The following LRRC24 variants were observed in gnomAD, a reference collection of about 807,000 sequenced individuals.
The protein encoded by LRRC24 is leucine-rich repeat-containing protein 24.
LRRC24 carries 19 observed loss-of-function variants against 15.3 expected under a neutral mutation model. That is an observed-to-expected ratio of 1.25 (90% CI 0.87 to 1.83). LRRC24 has a LOEUF of 1.83. LRRC24 is among the 40% of genes most tolerant of loss of function. The pLI is 0.00. For missense variants in LRRC24, 914 were observed against 723.9 expected, an observed-to-expected ratio of 1.26 and a Z score of -3.01; for synonymous variants, 469 against 359.6, an observed-to-expected ratio of 1.30 and a Z score of -3.44.
intron 1 of LRRC24, 183 bp downstream of exon 1, chr8:144,526,777 T>G (rs1027136261): frequency 3.3e-4 from 50 of 152,350 alleles, no homozygotes; most frequent in Admixed American, 7.8e-4. Flanking sequence ...CCCCACGGCC[T>G]CCTCTGCTAC....
In LRRC24 at chr8:144,524,602, C is replaced by G. The variant is rs1236395497; in HGVS notation, c.277G>C (p.Ala93Pro). 1 of 1,527,476 alleles carries G rather than the reference C, an allele frequency of 6.5e-7. No individual in the cohort carries two copies. The highest frequency in any genetic ancestry group is 8.7e-7 in the Non-Finnish European group (1 of 1,146,174). 94.6% of individuals were successfully genotyped at this position (1,527,476 alleles called of 1,614,324 possible). A position where few individuals can be genotyped will look rare whatever the true frequency, so the allele number is the denominator to read the frequency against. Residue 93 changes from alanine to proline, a missense_variant, in exon 3 of 5, where the codon GCC becomes CCC. By Grantham distance (27) the Ala-to-Pro change is conservative. Coordinates refer to ENST00000529415, the MANE Select transcript of LRRC24 (RefSeq NM_001024678.4). ...AGCAGGCGCGGCTGCGCGCGGAAGGCGCCGGCCTCCAGGGCGCGCAGGCTG... is the reference window on the plus strand; with the variant it reads ...AGCAGGCGCGGCTGCGCGCGGAAGGGGCCGGCCTCCAGGGCGCGCAGGCTG... ...NNSLRALEAG[A>P]FRAQPRLLEL...
chr8:144,526,585 C>CG (rs1338834938), intron 1 of LRRC24: 1 of 152,300 alleles, frequency 6.6e-6, no homozygotes, highest in Non-Finnish European at 1.5e-5. Flanking sequence ...TGGGCAGGGG[C>CG]GGGGTGTCAC....
chr8:144,524,078 C>T (rs866380832), intron 4 of LRRC24, 32 bp downstream of exon 4: 2 of 1,588,498 alleles, frequency 1.3e-6, no homozygotes, highest in Middle Eastern at 2.3e-4. Flanking sequence ...ACACCGTGGC[C>T]CAGACAGAGA....
chr8:144,522,920 C>CGGGACGCGTTGACCAGGAGCCGGAAG lies in LRRC24; in HGVS notation c.1071_1096dup (p.Arg366ProfsTer68). 1 of 1,457,972 alleles carries CGGGACGCGTTGACCAGGAGCCGGAAG rather than the reference C, an allele frequency of 6.9e-7. No homozygotes were observed. The highest frequency in any genetic ancestry group is 9.0e-7 in the Non-Finnish European group (1 of 1,112,862). The allele number at this position is 1,457,972 out of a possible 1,614,324, so 90.3% of individuals were successfully genotyped here. A position where few individuals can be genotyped will look rare whatever the true frequency, so the allele number is the denominator to read the frequency against. ...TTGCGCGGGCTGCTGCGGCTGCTGCCGGGACGCGTTGACCAGGAGCCGGAA... is the reference window on the plus strand; with the variant it reads ...TTGCGCGGGCTGCTGCGGCTGCTGCCGGGACGCGTTGACCAGGAGCCGGAAGGGGACGCGTTGACCAGGAGCCGGAA... On this transcript the variant is annotated frameshift_variant, in exon 5 of 5. Transcript: ENST00000529415. LOFTEE classifies it low-confidence loss of function (END_TRUNC).
Position 144,524,378 on chromosome 8 carries a change from C to T in LRRC24, c.438+63G>A, listed in dbSNP as rs755589870. On this transcript the variant is annotated intron_variant, in intron 3 of 4. Transcript: ENST00000529415. ...GACTGGGTTGCCTTTTCTAACTATT[C>T]CAGCCCTACAGGGCGAGGGGCCATA... 21 of 1,594,086 alleles carry T rather than the reference C, an allele frequency of 1.3e-5. 1 individual carries two copies. The highest frequency in any genetic ancestry group is 2.2e-5 in the East Asian group (1 of 44,780).
intron 1 of LRRC24, chr8:144,526,710 C>T (rs1263299332): frequency 6.6e-6 from 1 of 152,288 alleles, no homozygotes; most frequent in Non-Finnish European, 1.5e-5. Context: ...GAGGCCCAAG[C>T]TGGTCTTTGG....
chr8:144,523,784 C>T (rs1816231004), intron 4 of LRRC24: 2 of 414,714 alleles, frequency 4.8e-6, no homozygotes, highest in East Asian at 3.9e-5. Context: ...TTTGGATGCC[C>T]TCTCTTGGGA....
rs1256440057 is a variant in LRRC24 at position 144,524,723 on chromosome 8, C to CAGGCCGGGGA, written c.160-14_160-5dup. On this transcript the variant is annotated splice_region_variant and splice_polypyrimidine_tract_variant and intron_variant, in intron 2 of 4. Transcript: ENST00000529415. ...TGTTGTCCTGCAGGAACAGTGTCTG[C>CAGGCCGGGGA]AGGCCGGGGAAAGAGGAGGCGCTTA... 1 of 1,446,920 alleles carries CAGGCCGGGGA rather than the reference C, an allele frequency of 6.9e-7. No homozygotes were observed. Among genetic ancestry groups the CAGGCCGGGGA allele is most frequent in the Non-Finnish European group, 9.0e-7 (1 of 1,107,450 alleles). The allele number at this position is 1,446,920 out of a possible 1,614,324, so 89.6% of individuals were successfully genotyped here. A position where few individuals can be genotyped will look rare whatever the true frequency, so the allele number is the denominator to read the frequency against.
At position 144,524,671 on chromosome 8, in the gene LRRC24, G is replaced by A. The variant is rs1816288618; in HGVS notation, c.208C>T (p.Leu70=). ...CGGCGCAGAGCGGCGAGTGGCGCCAGGGCTCCCGGCTCTAGGCGGGCGATG... is the reference window on the plus strand; with the variant it reads ...CGGCGCAGAGCGGCGAGTGGCGCCAAGGCTCCCGGCTCTAGGCGGGCGATG... ...NNIARLEPGA[L]APLAALRRLY... Residue 70 remains leucine (L), a synonymous_variant, in exon 3 of 5, where the codon CTG becomes TTG. Coordinates refer to ENST00000529415, the MANE Select transcript of LRRC24 (RefSeq NM_001024678.4). The A allele has an allele frequency of 1.3e-6, 2 of 1,486,566 alleles. No homozygotes were observed. The highest frequency in any genetic ancestry group is 1.8e-6 in the Non-Finnish European group (2 of 1,129,118). The allele number at this position is 1,486,566 out of a possible 1,614,324, so 92.1% of individuals were successfully genotyped here.
At position 144,524,807 on chromosome 8, in the gene LRRC24, G is replaced by T; in HGVS notation, c.159+9C>A. The stretch of plus-strand genomic sequence containing the variant: ...ACCCCGTCCTCCCGCAGCTCCACAC[G>T]GTGCCCACCTGCGTCCCTGGCGGGA... On this transcript the variant is annotated intron_variant, in intron 2 of 4. Coordinates refer to ENST00000529415, the MANE Select transcript of LRRC24 (RefSeq NM_001024678.4). The T allele has an allele frequency of 1.4e-6, 2 of 1,450,434 alleles. No homozygotes were observed. The highest frequency in any genetic ancestry group is 1.4e-5 in the South Asian group (1 of 73,350). The allele number at this position is 1,450,434 out of a possible 1,614,324, so 89.8% of individuals were successfully genotyped here.
intron 1 of LRRC24, 171 bp from the exon 2 acceptor site, chr8:144,525,204 A>T (rs1816320083): frequency 2.3e-6 from 1 of 431,060 alleles, no homozygotes; most frequent in African/African-American, 2.1e-5. Context: ...CTGGGGCATC[A>T]GGTTCAAATT....
rs1414479177 is a variant in LRRC24, at chr8:144,522,523, C to T, written c.1494G>A (p.Gly498=). ...PADCGPEQGA[G]PGLRVPPPVA... is the part of the protein sequence containing the mutation. ...CCGGCGGGGGCACGCGGAGTCCCGGCCCCGCCCCCTGTTCCGGGCCGCAGT... is the reference window on the plus strand; with the variant it reads ...CCGGCGGGGGCACGCGGAGTCCCGGTCCCGCCCCCTGTTCCGGGCCGCAGT... Residue 498 remains glycine (G), a synonymous_variant, in exon 5 of 5, where the codon GGG becomes GGA. Coordinates refer to ENST00000529415, the MANE Select transcript of LRRC24 (RefSeq NM_001024678.4). 7 of 1,513,518 alleles carry T rather than the reference C, an allele frequency of 4.6e-6. No homozygotes were observed. In the East Asian group the frequency reaches 1.4e-4, roughly 29 times the overall value. 93.8% of individuals were successfully genotyped at this position (1,513,518 alleles called of 1,614,324 possible).
chr8:144,522,538 C>T lies in LRRC24; in HGVS notation c.1479G>A (p.Pro493=), dbSNP rs975478616. Reference sequence around the variant, plus strand: ...GGAGTCCCGGCCCCGCCCCCTGTTCCGGGCCGCAGTCAGCGGGCGCCTCCG... The same window carrying T: ...GGAGTCCCGGCCCCGCCCCCTGTTCTGGGCCGCAGTCAGCGGGCGCCTCCG... The part of the protein sequence containing the change: ...GPAEAPADCG[P]EQGAGPGLRV... The change falls in exon 5 of 5, where the codon CCG becomes CCA. Residue 493 remains proline, a synonymous_variant. Coordinates refer to ENST00000529415, the MANE Select transcript of LRRC24 (RefSeq NM_001024678.4). 4 of 1,523,972 alleles carry T rather than the reference C, an allele frequency of 2.6e-6. No individual in the cohort carries two copies. Among genetic ancestry groups the T allele is most frequent in the Non-Finnish European group, 3.5e-6 (4 of 1,137,676 alleles). The allele number at this position is 1,523,972 out of a possible 1,614,324, so 94.4% of individuals were successfully genotyped here. A position where few individuals can be genotyped will look rare whatever the true frequency, so the allele number is the denominator to read the frequency against.
intron 3 of LRRC24, 47 bp from the exon 4 acceptor site, chr8:144,524,325 G>C (rs1407344457): frequency 1.2e-6 from 2 of 1,602,424 alleles, no homozygotes; most frequent in African/African-American, 2.7e-5. Flanking sequence ...GCCGAGGTTG[G>C]GGGCATGTCT....
At chr8:144,523,841 T>C in intron 4 of LRRC24, 1 of 485,686 alleles carries the variant, frequency 2.1e-6, no homozygotes. Context: ...CAATTTTGTC[T>C]GCCTCCCCTC....
intron 1 of LRRC24, 21 bp from the exon 2 acceptor site, chr8:144,525,054 C>T (rs868128277): frequency 1.4e-5 from 19 of 1,354,184 alleles, no homozygotes; most frequent in African/African-American, 1.4e-4. Context: ...GGTTGGCAGG[C>T]CAGTCTCGGC....
Position 144,524,516 on chromosome 8 carries a change from C to T in LRRC24, c.363G>A (p.Leu121=). The T allele has an allele frequency of 1.3e-6, 2 of 1,594,978 alleles. No homozygotes were observed. Among genetic ancestry groups the T allele is most frequent in the Non-Finnish European group, 1.7e-6 (2 of 1,178,738 alleles). ...CCAGGTAGAGCACGCGCAGCTGGGC[C>T]AGGCCTACGAAGGCGCCGCTGCGCA... ...RGLRSGAFVG[L]AQLRVLYLAG... The change falls in exon 3 of 5, where the codon CTG becomes CTA. Residue 121 remains leucine, a synonymous_variant. Transcript: ENST00000529415.
At position 144,524,436 on chromosome 8, in the gene LRRC24, C is replaced by G. The variant is rs1201411520; in HGVS notation, c.438+5G>C. 6.3e-7 allele frequency: 1 copy of G among 1,597,768 alleles called. No individual in the cohort carries two copies. Among genetic ancestry groups the G allele is most frequent in the Non-Finnish European group, 8.5e-7 (1 of 1,179,748 alleles). ...ATCCCGCCCCTTTAGACCCCAGGCGCTCACCGGCAGGTGCAAGAAGGTGAA... is the reference window on the plus strand; with the variant it reads ...ATCCCGCCCCTTTAGACCCCAGGCGGTCACCGGCAGGTGCAAGAAGGTGAA... On this transcript the variant is annotated splice_donor_5th_base_variant and intron_variant, in intron 3 of 4. Coordinates refer to ENST00000529415, the MANE Select transcript of LRRC24 (RefSeq NM_001024678.4).
rs199698941 is a variant in LRRC24 at position 144,524,096 on chromosome 8, C to A, written c.607+14G>T. Reference sequence around the variant, plus strand: ...CCGTGGCCCAGACAGAGACGCTTTCCGAGGAAGAGGTACCTGTGAGGCGCA... The same window carrying A: ...CCGTGGCCCAGACAGAGACGCTTTCAGAGGAAGAGGTACCTGTGAGGCGCA... On this transcript the variant is annotated intron_variant, in intron 4 of 4. Coordinates refer to ENST00000529415, the MANE Select transcript of LRRC24 (RefSeq NM_001024678.4). 7,593 of 1,591,516 alleles carry A rather than the reference C, an allele frequency of 4.8e-3. 17 individuals are homozygous for A. The highest frequency in any genetic ancestry group is 6.0e-3 in the Non-Finnish European group (6,993 of 1,164,402).
Sources: allele counts gnomAD v4.1 joint callset, GRCh38; gene constraint gnomAD v4.1.1; transcripts MANE v1.5; gene names NCBI Gene and HGNC (gene_info 2026-07-23, HGNC 2026-07-21).